PCDH11X: variants seen among roughly 807,000 people sequenced by gnomAD.
The protein encoded by PCDH11X is protocadherin 11 X-linked, also known as protocadherin-11 X-linked.
Under a neutral mutation model 53.3 loss-of-function variants are expected in PCDH11X, and 18 were observed. The ratio of observed to expected loss-of-function variants is 0.34; its 90% confidence interval spans 0.23 to 0.50. The LOEUF is 0.50. Among genes scored for constraint, PCDH11X ranks in the 20% least tolerant of loss-of-function variants. PCDH11X has a pLI of 0.98. For missense variants in PCDH11X, 570 were observed against 1,032.4 expected, an observed-to-expected ratio of 0.55 and a Z score of 6.14; for synonymous variants, 279 against 393.3, an observed-to-expected ratio of 0.71 and a Z score of 3.44.
intron 10 of PCDH11X, among the ~76,000 whole-genome samples, chrX:92,478,687 G>A (rs1314004279): frequency 9.0e-6 from 1 of 110,872 alleles, no homozygotes; most frequent in Non-Finnish European, 1.9e-5. Flanking sequence ...ATGGTTGTGA[G>A]CAATTTTCTT....
chrX:92,588,373 T>TAC, intron 10 of PCDH11X, among the ~76,000 whole-genome samples: 1 of 42,751 alleles, frequency 2.3e-5, no homozygotes, highest in African/African-American at 3.2e-4. Context: ...TGTGTGTGTG[T>TAC]ATATATATAT....
intron 8 of PCDH11X, among the ~76,000 whole-genome samples, chrX:92,327,025 C>T (rs2069353429): frequency 9.2e-6 from 1 of 108,741 alleles, no homozygotes; most frequent in South Asian, 4.0e-4. Flanking sequence ...ATATTGTCAG[C>T]TAATAATTGC....
intron 9 of PCDH11X, among the ~76,000 whole-genome samples, chrX:92,457,478 T>A (rs79178428): frequency 0.099 from 10,621 of 106,995 alleles, 537 homozygotes; most frequent in Middle Eastern, 0.14. Context: ...TTACAAGAAA[T>A]CACAACTTCA....
chrX:92,123,410 C>T (rs1438899324), intron 6 of PCDH11X, among the ~76,000 whole-genome samples: 1 of 111,492 alleles, frequency 9.0e-6, no homozygotes, highest in African/African-American at 3.3e-5. Flanking sequence ...AGTACTAGGC[C>T]ACCATCTACT....
chrX:92,132,965 T>C (rs770215779), intron 6 of PCDH11X, among the ~76,000 whole-genome samples: 1 of 110,420 alleles, frequency 9.1e-6, no homozygotes, highest in African/African-American at 3.3e-5. Context: ...GAAGTACATG[T>C]TTAGAAGCAA....
Position 91,957,100 on chromosome X carries a change from C to T in PCDH11X, c.3033+77827C>T, listed in dbSNP as rs2524707. Among the ~76,000 whole-genome samples, 67 of 110,867 alleles carry T rather than the reference C, an allele frequency of 6.0e-4. 1 individual carries two copies. Among genetic ancestry groups the T allele is most frequent in the African/African-American group, 2.0e-3 (61 of 30,209 alleles). ...AAGTTCTTGTGTTGTGTTTTTCAGCCCCCTCAGGTCAGTTATGTTTCTCTC... is the reference window on the plus strand; with the variant it reads ...AAGTTCTTGTGTTGTGTTTTTCAGCTCCCTCAGGTCAGTTATGTTTCTCTC... On this transcript the variant is annotated intron_variant, in intron 6 of 10. Coordinates refer to ENST00000682573, the MANE Select transcript of PCDH11X (RefSeq NM_032968.5).
chrX:92,355,404 C>T (rs749257906), intron 8 of PCDH11X, among the ~76,000 whole-genome samples: 6 of 37,190 alleles, frequency 1.6e-4, no homozygotes, highest in Non-Finnish European at 1.9e-4. Context: ...GGCGACAGGG[C>T]GAGACTCCGT....
chrX:92,056,991 G>A (rs2759865), intron 6 of PCDH11X, among the ~76,000 whole-genome samples: 1 of 110,993 alleles, frequency 9.0e-6, no homozygotes, highest in African/African-American at 3.3e-5. Flanking sequence ...AACTAGTTGC[G>A]TCTTTAGATG....
At chrX:92,610,545 G>A (rs1224558912) in intron 10 of PCDH11X, among the ~76,000 whole-genome samples, 1 of 110,031 alleles carries the variant, frequency 9.1e-6, no homozygotes, top group Non-Finnish European at 1.9e-5. Context: ...TCTATAGGTT[G>A]TCTGTTCACC....
chrX:91,940,782 C>G (rs1247919458), intron 6 of PCDH11X, among the ~76,000 whole-genome samples: 1 of 107,058 alleles, frequency 9.3e-6, no homozygotes, highest in South Asian at 4.3e-4. Flanking sequence ...ATACTCTTGC[C>G]TCAGCCTCCC....
At chrX:92,270,290 G>T (rs755335664) in intron 8 of PCDH11X, among the ~76,000 whole-genome samples, 6 of 109,019 alleles carry the variant, frequency 5.5e-5, no homozygotes, top group East Asian at 2.9e-4. Context: ...GTTGTTTTTT[G>T]TGTGTGTGTT....
intron 9 of PCDH11X, among the ~76,000 whole-genome samples, chrX:92,448,110 C>A (rs967552388): frequency 4.0e-5 from 4 of 100,636 alleles, no homozygotes; most frequent in African/African-American, 1.5e-4. Context: ...ATTTTACAGG[C>A]TGATAGGCAA....
At chrX:92,072,167 G>T (rs951432970) in intron 6 of PCDH11X, among the ~76,000 whole-genome samples, 1 of 110,169 alleles carries the variant, frequency 9.1e-6, no homozygotes, top group African/African-American at 3.3e-5. Flanking sequence ...ATGCAGCCAG[G>T]CTTGAACTCA....
At chrX:92,182,911 T>C (rs1027312725) in intron 6 of PCDH11X, among the ~76,000 whole-genome samples, 8 of 111,616 alleles carry the variant, frequency 7.2e-5, no homozygotes, top group African/African-American at 2.3e-4. Context: ...CCTGTATGTC[T>C]CACAGGTATT....
At chrX:91,987,073 C>A (rs759876652) in intron 6 of PCDH11X, among the ~76,000 whole-genome samples, 12 of 110,784 alleles carry the variant, frequency 1.1e-4, no homozygotes, top group African/African-American at 2.9e-4. Context: ...TTGTCTCCTA[C>A]AAAAGGAATG....
intron 8 of PCDH11X, among the ~76,000 whole-genome samples, chrX:92,360,456 C>T (rs1603287483): frequency 9.1e-6 from 1 of 110,106 alleles, no homozygotes; most frequent in Admixed American, 9.7e-5. Context: ...ATTATTTTCT[C>T]GAAATTGGTC....
intron 9 of PCDH11X, among the ~76,000 whole-genome samples, chrX:92,402,747 G>A (rs752221927): frequency 1.8e-5 from 2 of 110,787 alleles, no homozygotes; most frequent in South Asian, 3.8e-4. Flanking sequence ...AAAAGCAAGT[G>A]CAACAAAAGC....
At chrX:91,826,391 T>C (rs1438150323) in intron 4 of PCDH11X, among the ~76,000 whole-genome samples, 1 of 109,893 alleles carries the variant, frequency 9.1e-6, no homozygotes, top group South Asian at 4.0e-4. Context: ...ACACAAGAAG[T>C]AGGGTTTATT....
chrX:91,864,376 T>TTGTGTGTGTGTGTGTGTG (rs751742042), intron 5 of PCDH11X, among the ~76,000 whole-genome samples: 1 of 94,794 alleles, frequency 1.1e-5, no homozygotes, highest in Non-Finnish European at 2.0e-5. Flanking sequence ...TGGAGCTCCA[T>TTGTGTGTGTGTGTGTGTG]TGTGTGTGTG....
Sources: allele counts gnomAD v4.1 joint callset (sites outside exome capture counted in the v4.1 genomes callset), GRCh38; gene constraint gnomAD v4.1.1; transcripts MANE v1.5; gene names NCBI Gene and HGNC (gene_info 2026-07-23, HGNC 2026-07-21).